Variants in RGS3 observed in about 807,000 individuals in gnomAD.
RGS3 encodes regulator of G protein signaling 3.
RGS3 carries 80 observed loss-of-function variants against 132.6 expected under a neutral mutation model. That is an observed-to-expected ratio of 0.60 (90% CI 0.50 to 0.73). RGS3 has a LOEUF of 0.73. Among genes scored for constraint, RGS3 ranks in the 30% least tolerant of loss-of-function variants. The pLI is 0.00. For synonymous variants in RGS3, 598 were observed against 620.6 expected (o/e 0.96, Z 0.54); for missense variants, 1,382 against 1,530.8 (o/e 0.90, Z 1.62).
intron 19 of RGS3, among the ~76,000 whole-genome samples, chr9:113,568,828 C>A (rs1379306034): frequency 1.3e-5 from 2 of 152,252 alleles, no homozygotes; most frequent in East Asian, 3.8e-4. Context: ...TCAGGGAGTG[C>A]TGCCTGCCCC....
intron 15 of RGS3, 66 bp from the exon 14 acceptor site, chr9:113,517,475 C>T: frequency 1.5e-6 from 2 of 1,329,546 alleles, no homozygotes; most frequent in Non-Finnish European, 2.2e-6. Flanking sequence ...CAAGCTGCTG[C>T]TTCCTCCCCC....
intron 8 of RGS3, 55 bp downstream of exon 6, chr9:113,495,901 C>A: frequency 6.9e-7 from 1 of 1,459,452 alleles, no homozygotes; most frequent in Non-Finnish European, 9.6e-7. Context: ...GGGGCTGGTA[C>A]AGGCAGAGTT....
At chr9:113,567,403 G>A (rs536164167) in intron 19 of RGS3, among the ~76,000 whole-genome samples, 26 of 152,338 alleles carry the variant, frequency 1.7e-4, no homozygotes, top group African/African-American at 6.3e-4. Context: ...ACCTGGCCAG[G>A]GGCCTGGGGC....
intron 17 of RGS3, among the ~76,000 whole-genome samples, chr9:113,527,264 G>A (rs1369470239): frequency 2.6e-5 from 4 of 152,126 alleles, no homozygotes; most frequent in African/African-American, 9.7e-5. Flanking sequence ...CTCATCTCCT[G>A]GACTTTCCTC....
chr9:113,505,635 C>T, intron 11 of RGS3, 112 bp downstream of exon 9: 1 of 785,916 alleles, frequency 1.3e-6, no homozygotes, highest in Admixed American at 2.3e-5. Context: ...AGTGTCCTGG[C>T]TTTTCAAAAT....
At chr9:113,512,010 G>A (rs1658441260) in intron 14 of RGS3, among the ~76,000 whole-genome samples, 1 of 152,090 alleles carries the variant, frequency 6.6e-6, no homozygotes, top group African/African-American at 2.4e-5. Flanking sequence ...CTCACACTGT[G>A]GTACAATCCA....
At chr9:113,467,692 G>A (rs1829691399) in intron 3 of RGS3, among the ~76,000 whole-genome samples, 1 of 151,898 alleles carries the variant, frequency 6.6e-6, no homozygotes, top group South Asian at 2.1e-4. Context: ...TCACTTTCTT[G>A]ATAGTGTTCA....
chr9:113,525,618 T>C (rs1212160676), intron 17 of RGS3, among the ~76,000 whole-genome samples: 2 of 152,182 alleles, frequency 1.3e-5, no homozygotes, highest in African/African-American at 4.8e-5. Flanking sequence ...AGAATTCAAT[T>C]TGGGGCAAAG....
At chr9:113,447,361 A>ATATATATATATATATATC (rs1554751008) in intron 1 of RGS3, among the ~76,000 whole-genome samples, 2 of 118,402 alleles carry the variant, frequency 1.7e-5, no homozygotes, top group African/African-American at 6.2e-5. Context: ...ATATATATAT[A>ATATATATATATATATATC]GGCAAGGGTT....
intron 5 of RGS3, 42 bp from the exon 4 acceptor site, chr9:113,484,096 C>G: frequency 8.2e-7 from 1 of 1,217,920 alleles, no homozygotes; most frequent in South Asian, 1.2e-5. Context: ...CTTAGGTGGG[C>G]CATGAGATCC....
At chr9:113,473,349 A>G (rs1312101509) in intron 3 of RGS3, among the ~76,000 whole-genome samples, 1 of 152,170 alleles carries the variant, frequency 6.6e-6, no homozygotes, top group Non-Finnish European at 1.5e-5. Context: ...CAGCTCTGCC[A>G]CTTACTGGCT....
chr9:113,498,651 A>G (rs2119284120), intron 10 of RGS3, among the ~76,000 whole-genome samples: 1 of 152,326 alleles, frequency 6.6e-6, no homozygotes, highest in South Asian at 2.1e-4. Flanking sequence ...GTGGTGGCCC[A>G]CGCTTGTGAT....
intron 3 of RGS3, among the ~76,000 whole-genome samples, chr9:113,471,075 C>T (rs1829815452): frequency 1.3e-5 from 2 of 152,092 alleles, no homozygotes; most frequent in African/African-American, 2.4e-5. Context: ...AATCTTTGTT[C>T]GTTTGTCAGG....
intron 1 of RGS3, among the ~76,000 whole-genome samples, chr9:113,451,399 C>T (rs948059343): frequency 3.3e-5 from 5 of 152,158 alleles, no homozygotes; most frequent in African/African-American, 1.2e-4. Context: ...CTGCTATGTC[C>T]ACTGGAAGGG....
At chr9:113,531,187 G>A (rs1439422996) in intron 18 of RGS3, among the ~76,000 whole-genome samples, 3 of 152,218 alleles carry the variant, frequency 2.0e-5, no homozygotes, top group Non-Finnish European at 4.4e-5. Flanking sequence ...GTGTTTCTCA[G>A]TTCCTGCAAA....
chr9:113,566,255 C>G (rs1156448146), intron 19 of RGS3, among the ~76,000 whole-genome samples: 1 of 152,164 alleles, frequency 6.6e-6, no homozygotes, highest in African/African-American at 2.4e-5. Context: ...ACTGGAAGCA[C>G]AAGCAAAGAT....
At chr9:113,476,986 G>A (rs542921387) in intron 3 of RGS3, among the ~76,000 whole-genome samples, 1 of 152,074 alleles carries the variant, frequency 6.6e-6, no homozygotes, top group Admixed American at 6.5e-5. Flanking sequence ...TCTTTGAGTT[G>A]GTGAAATTCA....
Position 113,553,856 on chromosome 9 carries a change from A to G in RGS3, c.2037+16938A>G, listed in dbSNP as rs117516549. Among the ~76,000 whole-genome samples, 8 of 152,314 alleles carry G rather than the reference A, an allele frequency of 5.3e-5. No homozygotes were observed. The East Asian group carries it at 1.5e-3, about 29-fold the overall frequency. On this transcript the variant is annotated intron_variant, in intron 19 of 24. Coordinates refer to ENST00000350696, the Ensembl canonical transcript of RGS3. Reference sequence around the variant, plus strand: ...GAAACTCCGTCTCCAAAAAAAAGAAAGAAATATTTTCCATCAGCACCTAAA... The same window carrying G: ...GAAACTCCGTCTCCAAAAAAAAGAAGGAAATATTTTCCATCAGCACCTAAA...
intron 15 of RGS3, among the ~76,000 whole-genome samples, chr9:113,514,896 C>T (rs1021481460): frequency 6.6e-6 from 1 of 152,160 alleles, no homozygotes; most frequent in Non-Finnish European, 1.5e-5. Flanking sequence ...CTCTCCTTCC[C>T]CCACCTCGCC....
Sources: allele counts gnomAD v4.1 joint callset (sites outside exome capture counted in the v4.1 genomes callset), GRCh38; gene constraint gnomAD v4.1.1; transcripts MANE v1.5; gene names NCBI Gene and HGNC (gene_info 2026-07-23, HGNC 2026-07-21).